The following SVIL variants were observed in gnomAD, a reference collection of about 807,000 sequenced individuals.
SVIL encodes archvillin.
Under a neutral mutation model 240.4 loss-of-function variants are expected in SVIL, and 101 were observed. The observed-to-expected ratio is 0.42, with a 90% confidence interval of 0.36 to 0.50. The LOEUF (loss-of-function observed/expected upper bound fraction) is 0.50, where lower values mean the gene tolerates loss of function less well. SVIL is among the 20% of genes least tolerant of loss of function. The pLI, the probability that SVIL is intolerant of heterozygous loss-of-function variation, is 0.01. For synonymous variants in SVIL, 999 were observed against 1,100.0 expected, an observed-to-expected ratio of 0.91 and a Z score of 1.82; for missense variants, 2,512 against 2,818.7, an observed-to-expected ratio of 0.89 and a Z score of 2.46.
intron 22 of SVIL, among the ~76,000 whole-genome samples, chr10:29,490,225 G>A (rs1947814944): frequency 6.6e-6 from 1 of 151,948 alleles, no homozygotes; most frequent in Admixed American, 6.6e-5. Context: ...GAAAAGCACT[G>A]GCGTTTGTGT....
At chr10:29,559,215 T>G (rs1331257164) in intron 3 of SVIL, among the ~76,000 whole-genome samples, 2 of 152,008 alleles carry the variant, frequency 1.3e-5, no homozygotes, top group Non-Finnish European at 2.9e-5. Flanking sequence ...TTCAAAAAAA[T>G]TTTTTGTAAT....
intron 1 of SVIL, among the ~76,000 whole-genome samples, chr10:29,608,314 A>C (rs897992499): frequency 1.3e-5 from 2 of 152,206 alleles, no homozygotes; most frequent in African/African-American, 2.4e-5. Flanking sequence ...CCAACTGTTG[A>C]CGGCAGCAGT....
At chr10:29,700,892 T>G (rs1227328708) in intron 1 of SVIL, among the ~76,000 whole-genome samples, 1 of 152,314 alleles carries the variant, frequency 6.6e-6, no homozygotes, top group East Asian at 1.9e-4. Flanking sequence ...TGAGAAGCAC[T>G]GCACCTTAGC....
At chr10:29,594,172 A>G (rs959264325) in intron 1 of SVIL, among the ~76,000 whole-genome samples, 11 of 152,244 alleles carry the variant, frequency 7.2e-5, no homozygotes, top group Non-Finnish European at 1.0e-4. Flanking sequence ...GGCCATGTAT[A>G]TAAGGTATAC....
intron 1 of SVIL, among the ~76,000 whole-genome samples, chr10:29,582,959 T>A (rs1388957589): frequency 3.9e-5 from 6 of 152,072 alleles, no homozygotes; most frequent in Non-Finnish European, 8.8e-5. Context: ...CCAAATCCAG[T>A]CATTCAGTGC....
chr10:29,499,364 G>C (rs1948701385), intron 17 of SVIL, 101 bp from the exon 18 acceptor site: 4 of 1,461,026 alleles, frequency 2.7e-6, no homozygotes, highest in Non-Finnish European at 3.8e-6. Context: ...GGTTGACAAA[G>C]AGGAGTAAGT....
At chr10:29,677,418 C>A (rs1960282899) in intron 2 of SVIL, among the ~76,000 whole-genome samples, 1 of 152,046 alleles carries the variant, frequency 6.6e-6, no homozygotes, top group East Asian at 1.9e-4. Flanking sequence ...CGGAATAACA[C>A]CTGGGTCAGA....
chr10:29,458,409 C>G (rs1472181565), intron 37 of SVIL, 25 bp downstream of exon 37: 4 of 1,598,432 alleles, frequency 2.5e-6, no homozygotes, highest in Non-Finnish European at 3.4e-6. Context: ...ACTCCCATCC[C>G]CACCCCACCG....
At chr10:29,721,260 A>ACAAAC (rs56355102) in intron 1 of SVIL, among the ~76,000 whole-genome samples, 2 of 98,872 alleles carry the variant, frequency 2.0e-5, no homozygotes, top group African/African-American at 5.8e-5. Context: ...AAACAAACAA[A>ACAAAC]AAAACACCTC....
At position 29,523,941 on chromosome 10, in the gene SVIL, G is replaced by A. The variant is rs575666269; in HGVS notation, c.2673C>T (p.Ala891=). 9 of 1,614,038 alleles carry A rather than the reference G, an allele frequency of 5.6e-6. No individual in the cohort carries two copies. The highest frequency in any genetic ancestry group is 2.7e-5 in the African/African-American group (2 of 74,920). The change falls in exon 15 of 38, where the codon GCC becomes GCT. Residue 891 remains alanine, a synonymous_variant. Transcript: ENST00000355867. ...TVASTVAPMY[A]GDLRTKPPLD... ...GAGGTGGCTTTGTGCGAAGATCTCC[G>A]GCATACATTGGAGCAACCGTGGATG...
chr10:29,624,555 G>T (rs559557409), intron 1 of SVIL, among the ~76,000 whole-genome samples: 4 of 152,060 alleles, frequency 2.6e-5, no homozygotes, highest in East Asian at 1.9e-4. Context: ...AACAAAAAAC[G>T]CCTGCTCAAC....
chr10:29,630,291 G>A (rs1247446), intron 1 of SVIL, among the ~76,000 whole-genome samples: 103,451 of 152,004 alleles, frequency 0.68, 35,943 homozygotes, highest in Non-Finnish European at 0.76. Context: ...AGCAAATATG[G>A]AAACTATTTC....
At chr10:29,458,691 CCT>C in intron 36 of SVIL, 102 bp from the exon 37 acceptor site, 5 of 1,226,478 alleles carry the variant, frequency 4.1e-6, no homozygotes, top group Non-Finnish European at 4.5e-6. Context: ...CTGCATACTG[CCT>C]GAGGATGCAT....
At chr10:29,503,462 CT>C (rs1014365475) in intron 17 of SVIL, among the ~76,000 whole-genome samples, 1 of 152,116 alleles carries the variant, frequency 6.6e-6, no homozygotes, top group East Asian at 1.9e-4. Context: ...AGCCTGTGTG[CT>C]TTTTTTCTTC....
chr10:29,613,274 G>A (rs1957316088), intron 1 of SVIL, among the ~76,000 whole-genome samples: 1 of 151,948 alleles, frequency 6.6e-6, no homozygotes, highest in African/African-American at 2.4e-5. Flanking sequence ...CTGGTTTTGA[G>A]TAAATAGGTC....
At chr10:29,697,363 C>G (rs912764930) in intron 1 of SVIL, among the ~76,000 whole-genome samples, 5 of 87,436 alleles carry the variant, frequency 5.7e-5, no homozygotes, top group East Asian at 3.5e-4. Flanking sequence ...TGGCGGTTTT[C>G]TGGAATAGAA....
intron 29 of SVIL, among the ~76,000 whole-genome samples, chr10:29,477,621 G>A (rs1034768835): frequency 1.3e-5 from 2 of 152,246 alleles, no homozygotes; most frequent in Non-Finnish European, 2.9e-5. Flanking sequence ...CCGGACTAGT[G>A]TCACCAAGGG....
chr10:29,566,386 T>C (rs1954962624), intron 2 of SVIL, among the ~76,000 whole-genome samples: 1 of 152,168 alleles, frequency 6.6e-6, no homozygotes, highest in South Asian at 2.1e-4. Context: ...CTGCTCCCGC[T>C]AAATGACTGG....
At position 29,470,376 on chromosome 10, in the gene SVIL, G is replaced by A. The variant is rs1470950533; in HGVS notation, c.5743C>T (p.Leu1915Phe). The stretch of plus-strand genomic sequence containing the variant: ...TAGATGAGGGCCTTGTTGACGTTAA[G>A]CACCACCATGGAAGTTCTGGACCTC... ...SLRSRTSMVV[L>F]NVNKALIYLW... Residue 1915 changes from leucine to phenylalanine, a missense_variant, in exon 32 of 38, where the codon CTT becomes TTT. Leu to Phe is a conservative substitution (Grantham distance 22). This residue lies in a region of SVIL where 797 missense variants were observed against 925.3 expected (regional missense o/e 0.86). Coordinates refer to ENST00000355867, the MANE Select transcript of SVIL (RefSeq NM_021738.3). 1.2e-6 allele frequency: 2 copies of A among 1,614,210 alleles called. No individual in the cohort carries two copies. The highest frequency in any genetic ancestry group is 1.7e-6 in the Non-Finnish European group (2 of 1,180,036).
Sources: gnomAD v4.1 joint callset for allele counts (sites outside exome capture counted in the v4.1 genomes callset) on GRCh38, gnomAD v4.1.1 for gene constraint, gnomAD v4.1.1 regional missense constraint, MANE v1.5 for transcripts, NCBI Gene and HGNC (gene_info 2026-07-23, HGNC 2026-07-21) for gene names.